NLGN3: variants seen among roughly 807,000 people sequenced by gnomAD.
NLGN3 encodes neuroligin-3.
Under a neutral mutation model 42.9 loss-of-function variants are expected in NLGN3, and 11 were observed. That is an observed-to-expected ratio of 0.26 (90% CI 0.16 to 0.42). NLGN3 has a LOEUF of 0.42. Ranked by LOEUF, NLGN3 falls within the 10% of genes least tolerant of loss-of-function variation. The pLI is 1.00. For synonymous variants in NLGN3, 279 were observed against 312.7 expected, an observed-to-expected ratio of 0.89 and a Z score of 1.14; for missense variants, 374 against 733.8, an observed-to-expected ratio of 0.51 and a Z score of 5.67.
chrX:71,148,945 G>C, intron 3 of NLGN3, 40 bp downstream of exon 3: 1 of 817,290 alleles, frequency 1.2e-6, no homozygotes, highest in Non-Finnish European at 1.7e-6. Context: ...AGAGAGAGAG[G>C]GAGGGCTGCC....
At chrX:71,155,114 C>G in intron 4 of NLGN3, 100 bp from the exon 5 acceptor site, 1 of 997,372 alleles carries the variant, frequency 1.0e-6, no homozygotes, top group Non-Finnish European at 1.4e-6. Flanking sequence ...TGTCCTGGCA[C>G]CTGGGATAGC....
chrX:71,158,624 AAG>A (rs1182585369), intron 5 of NLGN3, among the ~76,000 whole-genome samples: 1 of 111,905 alleles, frequency 8.9e-6, no homozygotes, highest in African/African-American at 3.3e-5. Context: ...GGAATGAAGA[AAG>A]AGAGCATGGA....
In NLGN3 at chrX:71,148,907, T is replaced by G; in HGVS notation, c.517+2T>G. On this transcript the variant is annotated splice_donor_variant, in intron 3 of 7. Coordinates refer to ENST00000358741, the MANE Select transcript of NLGN3 (RefSeq NM_181303.2). LOFTEE classifies it high-confidence loss of function. ...ACAAGAAAATTTGTAGGAAAGGAGG[T>G]AGGTAGCGAGCCGGCGGGGAGGGAG... 3 of 1,084,775 alleles carry G rather than the reference T, an allele frequency of 2.8e-6. No individual in the cohort carries two copies. The highest frequency in any genetic ancestry group is 3.7e-6 in the Non-Finnish European group (3 of 820,575). The allele number at this position is 1,084,775 out of a possible 1,213,427, so 89.4% of individuals were successfully genotyped here.
chrX:71,169,903 C>T lies in NLGN3; in HGVS notation c.2353C>T (p.Arg785Cys), dbSNP rs746346104. ...GGCCGGTCCCCCCCATGACACGCTG[C>T]GCCTCACTGCATTGCCCGACTACAC... ...CEAGPPHDTLRLTALPDYTLT... is the reference protein window; with the variant it reads ...CEAGPPHDTLCLTALPDYTLT... The change falls in exon 8 of 8, where the codon CGC (arginine) becomes TGC (cysteine). Residue 785 changes from arginine to cysteine, a missense_variant. By Grantham distance (180) the Arg-to-Cys change is radical. Coordinates refer to ENST00000358741, the MANE Select transcript of NLGN3 (RefSeq NM_181303.2). 1.7e-5 allele frequency: 20 copies of T among 1,197,425 alleles called. No homozygotes were observed. The highest frequency in any genetic ancestry group is 4.6e-4 in the Middle Eastern group (2 of 4,340).
intron 5 of NLGN3, among the ~76,000 whole-genome samples, chrX:71,159,890 A>ATTTTT (rs748275369): frequency 2.0e-5 from 1 of 50,409 alleles, no homozygotes; most frequent in Non-Finnish European, 3.6e-5. Flanking sequence ...ACGCCCAGCT[A>ATTTTT]TTTTTTTTTT....
intron 7 of NLGN3, among the ~76,000 whole-genome samples, chrX:71,168,838 AAAGAAAG>A (rs563784801): frequency 2.3e-5 from 2 of 87,052 alleles, no homozygotes; most frequent in Non-Finnish European, 4.0e-5. Context: ...AGAAAGAAAG[AAAGAAAG>A]AAAGAAAGAA....
chrX:71,162,289 A>T (rs1421647909), intron 5 of NLGN3, among the ~76,000 whole-genome samples: 2 of 110,685 alleles, frequency 1.8e-5, no homozygotes, highest in Admixed American at 9.6e-5. Context: ...CAACTGGCTA[A>T]TTTGTTTTGT....
intron 7 of NLGN3, 108 bp downstream of exon 7, chrX:71,167,908 A>T: frequency 1.4e-6 from 1 of 723,897 alleles, no homozygotes; most frequent in Non-Finnish European, 2.2e-6. Context: ...ATATTCCCAA[A>T]ATCTTGCTTG....
At chrX:71,147,527 C>T (rs930599198) in intron 1 of NLGN3, 23 bp from the exon 2 acceptor site, 10 of 444,194 alleles carry the variant, frequency 2.3e-5, no homozygotes, top group African/African-American at 1.7e-4. Context: ...TCTTGGATGA[C>T]GCATACTTCC....
intron 6 of NLGN3, 103 bp downstream of exon 6, chrX:71,164,431 C>G: frequency 2.4e-6 from 2 of 831,916 alleles, no homozygotes; most frequent in South Asian, 5.1e-5. Context: ...CAGCTCTCTT[C>G]TACCAGCTTG....
chrX:71,155,239 C>G lies in NLGN3; in HGVS notation c.603C>G (p.Pro201=), dbSNP rs35794236. Residue 201 remains proline (P), a synonymous_variant, in exon 5 of 8, where the codon CCC becomes CCG. Coordinates refer to ENST00000358741, the MANE Select transcript of NLGN3 (RefSeq NM_181303.2). ...DEDIRDSGAK[P]VMVYIHGGSY... ...ACATCCGGGACAGTGGTGCTAAACC[C>G]GTCATGGTCTACATCCACGGAGGCT... 148 of 1,210,465 alleles carry G rather than the reference C, an allele frequency of 1.2e-4. No individual in the cohort carries two copies. In the African/African-American group the frequency reaches 2.4e-3, roughly 20 times the overall value.
downstream of NLGN3, among the ~76,000 whole-genome samples, chrX:71,172,622 G>A (rs2092472937): frequency 2.3e-5 from 2 of 85,325 alleles, no homozygotes; most frequent in Admixed American, 1.2e-4. Context: ...GTGTGTGTGT[G>A]CATGCGTGTG....
chrX:71,168,821 AAAAGAAAGAAAGAAAGAAAGAAAG>A (rs201934142), intron 7 of NLGN3, among the ~76,000 whole-genome samples: 2 of 69,352 alleles, frequency 2.9e-5, no homozygotes, highest in East Asian at 4.3e-4. Flanking sequence ...AGAGAAAAAA[AAAAGAAAGAAAGAAAGAAAGAAAG>A]AAAGAAAGAA....
chrX:71,147,431 G>A, intron 1 of NLGN3, 119 bp from the exon 2 acceptor site: 2 of 362,179 alleles, frequency 5.5e-6, no homozygotes, highest in Non-Finnish European at 4.9e-6. Flanking sequence ...TGGGCCCCTG[G>A]GCATGTGAAA....
Position 71,170,651 on chromosome X carries a change from C to T in NLGN3, c.*554C>T, listed in dbSNP as rs901915437. ...CCTCTGGAAGGGAGGGCTTCAGGCC[C>T]GAAGGTCTCTCTGGCTCTAGGACCC... On this transcript the variant is annotated 3_prime_UTR_variant, in exon 8 of 8. Transcript: ENST00000358741. The T allele has an allele frequency of 3.1e-5, 24 of 768,745 alleles. No individual in the cohort carries two copies. Among genetic ancestry groups the T allele is most frequent in the Non-Finnish European group, 3.5e-5 (23 of 648,027 alleles). The allele number at this position is 768,745 out of a possible 1,213,427, so 63.4% of individuals were successfully genotyped here.
At chrX:71,156,116 C>A (rs2092407961) in intron 5 of NLGN3, among the ~76,000 whole-genome samples, 1 of 110,138 alleles carries the variant, frequency 9.1e-6, no homozygotes, top group Admixed American at 9.7e-5. Flanking sequence ...ACACTTTACC[C>A]CCATATTTAC....
In NLGN3 at chrX:71,171,027, T is replaced by C. The variant is rs997552359; in HGVS notation, c.*930T>C. On this transcript the variant is annotated 3_prime_UTR_variant, in exon 8 of 8. Coordinates refer to ENST00000358741, the MANE Select transcript of NLGN3 (RefSeq NM_181303.2). ...TTCGCCCCATTTTCTTTACAGTCTT[T>C]TGTGTCTGTCATTTCTCTTTCAAAA... 6.4e-5 allele frequency: 48 copies of C among 752,060 alleles called. No homozygotes were observed. The highest frequency in any genetic ancestry group is 7.5e-4 in the Middle Eastern group (1 of 1,339). The allele number at this position is 752,060 out of a possible 1,213,427, so 62.0% of individuals were successfully genotyped here. A position where few individuals can be genotyped will look rare whatever the true frequency, so the allele number is the denominator to read the frequency against.
At position 71,170,512 on chromosome X, in the gene NLGN3, A is replaced by G; in HGVS notation, c.*415A>G. ...CCAACTCCAGACTTGGGAGCTTTAAAGAGCAGGATAGCTCTTCCTCCCCAG... is the reference window on the plus strand; with the variant it reads ...CCAACTCCAGACTTGGGAGCTTTAAGGAGCAGGATAGCTCTTCCTCCCCAG... On this transcript the variant is annotated 3_prime_UTR_variant, in exon 8 of 8. Transcript: ENST00000358741. 2 of 844,479 alleles carry G rather than the reference A, an allele frequency of 2.4e-6. No individual in the cohort carries two copies. Among genetic ancestry groups the G allele is most frequent in the Non-Finnish European group, 2.9e-6 (2 of 696,430 alleles). The allele number at this position is 844,479 out of a possible 1,213,427, so 69.6% of individuals were successfully genotyped here. A position where few individuals can be genotyped will look rare whatever the true frequency, so the allele number is the denominator to read the frequency against.
chrX:71,148,355 C>G (rs997046728), intron 2 of NLGN3, 149 bp downstream of exon 2: 40 of 493,940 alleles, frequency 8.1e-5, no homozygotes, highest in Non-Finnish European at 1.1e-4. Flanking sequence ...CTCCCACCCC[C>G]CTCCCTGTTC....
Sources: allele counts gnomAD v4.1 joint callset (sites outside exome capture counted in the v4.1 genomes callset), GRCh38; gene constraint gnomAD v4.1.1; transcripts MANE v1.5; gene names NCBI Gene and HGNC (gene_info 2026-07-23, HGNC 2026-07-21).